The following PPP1R7 variants were observed in gnomAD, a reference collection of about 807,000 sequenced individuals.
PPP1R7 encodes the protein protein phosphatase 1 regulatory subunit 22.
A neutral mutation model predicts 45.2 loss-of-function variants in PPP1R7; 18 were observed. The ratio of observed to expected loss-of-function variants is 0.40; its 90% CI spans 0.28 to 0.59. The LOEUF (loss-of-function observed/expected upper bound fraction) is 0.59, where lower values mean the gene tolerates loss of function less well. Among genes scored for constraint, PPP1R7 ranks in the 20% least tolerant of loss-of-function variants. PPP1R7 has a pLI of 0.46. For missense variants in PPP1R7, 314 were observed against 455.8 expected, an observed-to-expected ratio of 0.69 and a Z score of 2.83; for synonymous variants, 181 against 183.4, an observed-to-expected ratio of 0.99 and a Z score of 0.11.
At chr2:241,174,738 G>C (rs539193108) in intron 9 of PPP1R7, among the ~76,000 whole-genome samples, 47 of 150,748 alleles carry the variant, frequency 3.1e-4, no homozygotes, top group Admixed American at 1.4e-3. Flanking sequence ...GCAGTGGCGC[G>C]ATCTCAGCTC....
Position 241,182,695 on chromosome 2 carries a change from G to C in PPP1R7, c.955G>C (p.Gly319Arg), listed in dbSNP as rs372280383. The C allele has an allele frequency of 1.9e-6, 3 of 1,614,084 alleles. No homozygotes were observed. Among genetic ancestry groups the C allele is most frequent in the Non-Finnish European group, 2.5e-6 (3 of 1,180,048 alleles). ...CTGGAGCGACCTCGACGAGCTGAAG[G>C]GAGCCAGGAGCCTGGAGACAGTGTA... ...ESWSDLDELK[G>R]ARSLETVYLE... is the part of the protein sequence containing the mutation. The change falls in exon 10 of 10, where the codon GGA (glycine) becomes CGA (arginine). Residue 319 changes from glycine to arginine, a missense_variant. This residue lies in a region of PPP1R7 where 168 missense variants were observed against 285.3 expected (regional missense o/e 0.59). Coordinates refer to ENST00000234038, the MANE Select transcript of PPP1R7 (RefSeq NM_002712.3).
chr2:241,170,373 G>T (rs2067791902), intron 9 of PPP1R7, among the ~76,000 whole-genome samples: 1 of 152,230 alleles, frequency 6.6e-6, no homozygotes, highest in South Asian at 2.1e-4. Context: ...CACAGGTATG[G>T]TTTCAGGAGT....
intron 9 of PPP1R7, among the ~76,000 whole-genome samples, chr2:241,173,774 CTTG>C (rs2067859706): frequency 6.6e-6 from 1 of 152,226 alleles, no homozygotes; most frequent in South Asian, 2.1e-4. Flanking sequence ...TCTTGCTGTG[CTTG>C]TTTGTATAAT....
At position 241,157,990 on chromosome 2, in the gene PPP1R7, C is replaced by T. The variant is rs60398212; in HGVS notation, c.237+128C>T. The T allele has an allele frequency of 5.4e-3, 4,849 of 901,996 alleles. 144 individuals are homozygous for T. In the African/African-American group the frequency reaches 0.064, roughly 12 times the overall value. 55.9% of individuals were successfully genotyped at this position (901,996 alleles called of 1,614,324 possible). On this transcript the variant is annotated intron_variant, in intron 3 of 9. Coordinates refer to ENST00000234038, the MANE Select transcript of PPP1R7 (RefSeq NM_002712.3). ...AGCCTCCCTTGGTTGAGTCAGAGTC[C>T]CGTGTTCATGTTTTTCTTACCAGTG...
chr2:241,163,914 C>G (rs1202723056), intron 7 of PPP1R7, among the ~76,000 whole-genome samples: 1 of 143,604 alleles, frequency 7.0e-6, no homozygotes, highest in East Asian at 1.9e-4. Flanking sequence ...CACTCGTGGC[C>G]TTTCTTTTTT....
At chr2:241,172,793 A>G (rs2067840439) in intron 9 of PPP1R7, among the ~76,000 whole-genome samples, 1 of 152,154 alleles carries the variant, frequency 6.6e-6, no homozygotes, top group Non-Finnish European at 1.5e-5. Flanking sequence ...ATTCTGCAGT[A>G]AACCAATCCT....
At chr2:241,174,139 T>A (rs539184609) in intron 9 of PPP1R7, among the ~76,000 whole-genome samples, 2 of 152,338 alleles carry the variant, frequency 1.3e-5, no homozygotes, top group South Asian at 4.1e-4. Context: ...GTTTTTAAGC[T>A]TTATTAGAGT....
intron 8 of PPP1R7, 64 bp from the exon 9 acceptor site, chr2:241,169,717 C>A: frequency 7.3e-7 from 1 of 1,360,604 alleles, no homozygotes; most frequent in South Asian, 1.2e-5. Context: ...ACACTGCCTG[C>A]GTGGTCATGC....
chr2:241,168,445 G>A (rs928648313), intron 8 of PPP1R7, among the ~76,000 whole-genome samples: 3 of 152,178 alleles, frequency 2.0e-5, no homozygotes, highest in African/African-American at 7.2e-5. Context: ...GGGGAGAGCT[G>A]CCGTCCGTGC....
At chr2:241,164,233 C>T (rs1174864883) in intron 7 of PPP1R7, among the ~76,000 whole-genome samples, 1 of 152,192 alleles carries the variant, frequency 6.6e-6, no homozygotes, top group African/African-American at 2.4e-5. Context: ...CCCACCTCCC[C>T]CTTCTGCCCC....
intron 9 of PPP1R7, among the ~76,000 whole-genome samples, chr2:241,173,988 C>A (rs950158422): frequency 1.4e-5 from 2 of 146,796 alleles, no homozygotes; most frequent in Non-Finnish European, 3.0e-5. Context: ...CTTCCTTCTT[C>A]ACGTCTTGTA....
At chr2:241,165,236 C>T (rs925102733) in intron 7 of PPP1R7, among the ~76,000 whole-genome samples, 1 of 151,952 alleles carries the variant, frequency 6.6e-6, no homozygotes, top group Non-Finnish European at 1.5e-5. Flanking sequence ...GGTGCAATCT[C>T]GGCTCACTGC....
chr2:241,176,702 C>G (rs538046259), intron 9 of PPP1R7, among the ~76,000 whole-genome samples: 2 of 152,194 alleles, frequency 1.3e-5, no homozygotes, highest in Non-Finnish European at 2.9e-5. Flanking sequence ...CTCCAGTGAT[C>G]TGCCTGCCTC....
At chr2:241,149,830 TG>T, upstream of PPP1R7, 1 of 1,507,780 alleles carries the variant, frequency 6.6e-7, no homozygotes, top group Non-Finnish European at 8.8e-7. Flanking sequence ...CGCACTGGGC[TG>T]GGAACGACTT....
intron 2 of PPP1R7, among the ~76,000 whole-genome samples, chr2:241,157,103 G>A (rs1335847631): frequency 2.0e-5 from 3 of 152,162 alleles, no homozygotes; most frequent in Non-Finnish European, 4.4e-5. Flanking sequence ...TCCCTCCTCC[G>A]CACAGAGGAT....
chr2:241,183,357 C>T lies in PPP1R7; in HGVS notation c.*534C>T, dbSNP rs748869059. ...AAAGCTGGGTAAAAGCTGACTCAGC[C>T]CTGTGTGCTTGTGTTCCTTAGAGCT... On this transcript the variant is annotated 3_prime_UTR_variant, in exon 10 of 10. Coordinates refer to ENST00000234038, the MANE Select transcript of PPP1R7 (RefSeq NM_002712.3). 1.5e-5 allele frequency: 7 copies of T among 467,722 alleles called. 1 individual carries two copies. Among genetic ancestry groups the T allele is most frequent in the African/African-American group, 6.0e-5 (3 of 49,864 alleles). 29.0% of individuals were successfully genotyped at this position (467,722 alleles called of 1,614,324 possible). A position where few individuals can be genotyped will look rare whatever the true frequency, so the allele number is the denominator to read the frequency against.
At chr2:241,164,144 T>A (rs1222297675) in intron 7 of PPP1R7, among the ~76,000 whole-genome samples, 1 of 152,160 alleles carries the variant, frequency 6.6e-6, no homozygotes, top group African/African-American at 2.4e-5. Context: ...CTTGAACTCC[T>A]GGACTCAAGC....
chr2:241,182,784 C>T lies in PPP1R7; in HGVS notation c.1044C>T (p.Pro348=), dbSNP rs2068026934. The T allele has an allele frequency of 6.2e-7, 1 of 1,613,988 alleles. No homozygotes were observed. Among genetic ancestry groups the T allele is most frequent in the Non-Finnish European group, 8.5e-7 (1 of 1,179,870 alleles). The change falls in exon 10 of 10, where the codon CCC becomes CCT. Residue 348 remains proline (P), a synonymous_variant. Transcript: ENST00000234038. ...QYRRKVMLAL[P]SVRQIDATFV... ...GGCGGAAGGTCATGCTCGCCCTCCC[C>T]TCCGTGCGGCAGATCGATGCCACGT...
At chr2:241,180,409 A>AT (rs34650668) in intron 9 of PPP1R7, among the ~76,000 whole-genome samples, 1 of 144,566 alleles carries the variant, frequency 6.9e-6, no homozygotes, top group East Asian at 2.1e-4. Context: ...AAAAAAAAAA[A>AT]AGTGAAAAAA....
Sources: gnomAD v4.1 joint callset for allele counts (sites outside exome capture counted in the v4.1 genomes callset) on GRCh38, gnomAD v4.1.1 for gene constraint, gnomAD v4.1.1 regional missense constraint, MANE v1.5 for transcripts, NCBI Gene and HGNC (gene_info 2026-07-23, HGNC 2026-07-21) for gene names.